Variants in ARID5B observed in about 807,000 individuals in gnomAD.
ARID5B encodes AT-rich interaction domain 5B, also known as AT-rich interactive domain-containing protein 5B.
In ARID5B, 13 loss-of-function variants were observed where a neutral mutation model predicts 97.2. The observed-to-expected ratio is 0.13, with a 90% CI of 0.09 to 0.21. The LOEUF (loss-of-function observed/expected upper bound fraction) is 0.21, where lower values mean the gene tolerates loss of function less well. Ranked by LOEUF, ARID5B falls within the 10% of genes least tolerant of loss-of-function variation. The pLI is 1.00. For missense variants in ARID5B, 1,210 were observed against 1,465.3 expected (o/e 0.83, Z 2.84); for synonymous variants, 556 against 570.3 (o/e 0.97, Z 0.36).
chr10:62,026,951 A>G (rs1214006725), intron 4 of ARID5B, among the ~76,000 whole-genome samples: 2 of 152,218 alleles, frequency 1.3e-5, no homozygotes, highest in African/African-American at 2.4e-5. Flanking sequence ...AGAAGGAGCC[A>G]AATAAAAGCT....
At chr10:61,987,937 A>C (rs980171881) in intron 3 of ARID5B, among the ~76,000 whole-genome samples, 10 of 152,172 alleles carry the variant, frequency 6.6e-5, no homozygotes, top group African/African-American at 9.7e-5. Context: ...TGGATGTTAG[A>C]GATTGGGGAA....
At chr10:62,041,218 G>A (rs1007701319) in intron 4 of ARID5B, among the ~76,000 whole-genome samples, 2 of 152,140 alleles carry the variant, frequency 1.3e-5, no homozygotes, top group Admixed American at 6.5e-5. Context: ...GTTTGCATGA[G>A]GTTCTTGGTA....
intron 9 of ARID5B, 77 bp downstream of exon 9, chr10:62,085,977 C>T: frequency 6.9e-7 from 1 of 1,449,282 alleles, no homozygotes; most frequent in Non-Finnish European, 9.4e-7. Context: ...CCTGAATCCA[C>T]AGCTGTGTCC....
chr10:61,943,485 T>C (rs558061280), intron 3 of ARID5B, among the ~76,000 whole-genome samples: 1 of 147,756 alleles, frequency 6.8e-6, no homozygotes. Flanking sequence ...CCCCCTTTTT[T>C]TCTGGTGGAA....
At chr10:62,020,683 T>C (rs576934756) in intron 4 of ARID5B, among the ~76,000 whole-genome samples, 1 of 152,286 alleles carries the variant, frequency 6.6e-6, no homozygotes, top group South Asian at 2.1e-4. Context: ...GAAATGAGTC[T>C]GCCATCCAGA....
At chr10:61,945,599 G>T (rs537715627) in intron 3 of ARID5B, among the ~76,000 whole-genome samples, 9 of 152,200 alleles carry the variant, frequency 5.9e-5, no homozygotes, top group African/African-American at 1.9e-4. Context: ...TGCAACTTGA[G>T]AAGTTTCTTA....
intron 4 of ARID5B, among the ~76,000 whole-genome samples, chr10:62,050,102 C>G (rs908962695): frequency 1.3e-5 from 2 of 151,154 alleles, no homozygotes; most frequent in Non-Finnish European, 3.0e-5. Context: ...GGAACAAGCT[C>G]AGCATCAAGG....
At chr10:62,089,528 C>CTTTTTTTT (rs34423923) in intron 9 of ARID5B, among the ~76,000 whole-genome samples, 3 of 101,544 alleles carry the variant, frequency 3.0e-5, no homozygotes, top group Admixed American at 1.0e-4. Context: ...CCTTCTTTTT[C>CTTTTTTTT]TTTTTTTTTT....
At chr10:62,028,113 C>T (rs1031025173) in intron 4 of ARID5B, among the ~76,000 whole-genome samples, 1 of 152,180 alleles carries the variant, frequency 6.6e-6, no homozygotes, top group Non-Finnish European at 1.5e-5. Context: ...AGAATCCTAT[C>T]TCATATTTCT....
intron 3 of ARID5B, among the ~76,000 whole-genome samples, chr10:61,947,261 C>CTTTTTTTTTTTTTTTTTTTTTTTTTT (rs199587188): frequency 4.8e-5 from 6 of 124,266 alleles, no homozygotes; most frequent in South Asian, 3.1e-4. Context: ...CACTTACTTT[C>CTTTTTTTTTTTTTTTTTTTTTTTTTT]TTTTTTTTTT....
At chr10:61,982,070 A>T (rs1838784486) in intron 3 of ARID5B, among the ~76,000 whole-genome samples, 1 of 152,198 alleles carries the variant, frequency 6.6e-6, no homozygotes, top group South Asian at 2.1e-4. Context: ...AAATGTAATC[A>T]TTCTCACTTC....
Position 62,094,365 on chromosome 10 carries a change from A to G in ARID5B, c.*1335A>G, listed in dbSNP as rs780728057. The G allele has an allele frequency of 1.7e-5, 4 of 230,126 alleles. No homozygotes were observed. The highest frequency in any genetic ancestry group is 3.4e-5 in the Non-Finnish European group (4 of 116,174). 14.3% of individuals were successfully genotyped at this position (230,126 alleles called of 1,614,324 possible). The stretch of plus-strand genomic sequence containing the variant: ...TCCAGTTGGTTTCTTGTCATTCCCA[A>G]GAAGAATCTCCCAGGCCACATCTTT... On this transcript the variant is annotated 3_prime_UTR_variant, in exon 10 of 10. Transcript: ENST00000279873.
chr10:61,947,724 C>G (rs1455149240), intron 3 of ARID5B, among the ~76,000 whole-genome samples: 1 of 152,110 alleles, frequency 6.6e-6, no homozygotes, highest in Non-Finnish European at 1.5e-5. Flanking sequence ...GTAAAAGTGG[C>G]TCAAATAAGT....
At chr10:61,912,666 TTA>T (rs35376293) in intron 2 of ARID5B, among the ~76,000 whole-genome samples, 19,263 of 146,998 alleles carry the variant, frequency 0.13, 2,310 homozygotes, top group African/African-American at 0.32. Context: ...ATATGCATGT[TTA>T]TATATATATA....
At chr10:61,942,783 G>A (rs895935821) in intron 3 of ARID5B, among the ~76,000 whole-genome samples, 2 of 152,132 alleles carry the variant, frequency 1.3e-5, no homozygotes, top group Admixed American at 1.3e-4. Flanking sequence ...CGACAACAGC[G>A]AGGCTCTGTC....
At chr10:61,998,342 G>A (rs1019739537) in intron 3 of ARID5B, among the ~76,000 whole-genome samples, 1 of 152,202 alleles carries the variant, frequency 6.6e-6, no homozygotes, top group African/African-American at 2.4e-5. Context: ...ATTCCCTGCA[G>A]CATGGTAAGG....
chr10:61,982,752 T>G (rs1838793926), intron 3 of ARID5B, among the ~76,000 whole-genome samples: 1 of 152,210 alleles, frequency 6.6e-6, no homozygotes, highest in Non-Finnish European at 1.5e-5. Flanking sequence ...GGTATTTGGC[T>G]GGCCTTGGGA....
rs112123451 is a variant in ARID5B at position 62,006,826 on chromosome 10, A to G, written c.733+6505A>G. Among the ~76,000 whole-genome samples the G allele has an allele frequency of 7.9e-5, 12 of 152,278 alleles. 1 individual carries two copies. Among genetic ancestry groups the G allele is most frequent in the African/African-American group, 2.9e-4 (12 of 41,564 alleles). On this transcript the variant is annotated intron_variant, in intron 4 of 9. Transcript: ENST00000279873. ...TCGAGGATTTCTTTTCTGTTTTTGG[A>G]ACTTGAAAGGAGATTTAAAAATAAC...
chr10:61,996,458 G>A (rs753178464), intron 3 of ARID5B, among the ~76,000 whole-genome samples: 1 of 152,130 alleles, frequency 6.6e-6, no homozygotes, highest in Non-Finnish European at 1.5e-5. Context: ...AGGAGGCAGA[G>A]GTAGGAGGAT....
Sources: gnomAD v4.1 joint callset for allele counts (sites outside exome capture counted in the v4.1 genomes callset) on GRCh38, gnomAD v4.1.1 for gene constraint, MANE v1.5 for transcripts, NCBI Gene and HGNC (gene_info 2026-07-23, HGNC 2026-07-21) for gene names.